RNF121: variants seen among roughly 807,000 people sequenced by gnomAD.
RNF121 encodes the protein E3 ubiquitin ligase RNF121.
In RNF121, 21 loss-of-function variants were observed where a neutral mutation model predicts 46.5. The ratio of observed to expected loss-of-function variants is 0.45; its 90% confidence interval spans 0.32 to 0.65. The LOEUF is 0.65. Among genes scored for constraint, RNF121 ranks in the 30% least tolerant of loss-of-function variants. The pLI, the probability that RNF121 is intolerant of heterozygous loss-of-function variation, is 0.04. For missense variants in RNF121, 346 were observed against 416.0 expected (o/e 0.83, Z 1.46); for synonymous variants, 139 against 144.7 (o/e 0.96, Z 0.28).
At chr11:71,935,153 G>A (rs759338049) in intron 1 of RNF121, among the ~76,000 whole-genome samples, 1 of 152,048 alleles carries the variant, frequency 6.6e-6, no homozygotes, top group Non-Finnish European at 1.5e-5. Context: ...GACTGGTCTC[G>A]AACTCCTGGA....
At chr11:71,952,980 G>A (rs1052453113) in intron 1 of RNF121, among the ~76,000 whole-genome samples, 2 of 152,130 alleles carry the variant, frequency 1.3e-5, no homozygotes, top group Non-Finnish European at 1.5e-5. Context: ...CTGTGCAATA[G>A]AACTCAAAGA....
intron 3 of RNF121, 101 bp from the exon 4 acceptor site, chr11:71,982,660 G>A (rs1053800552): frequency 1.5e-6 from 2 of 1,316,910 alleles, no homozygotes; most frequent in African/African-American, 1.5e-5. Context: ...GTAAATACAG[G>A]AGAGGATCAA....
intron 1 of RNF121, chr11:71,939,271 T>C (rs2134150200): frequency 1.0e-5 from 2 of 191,772 alleles, no homozygotes; most frequent in South Asian, 9.0e-5. Context: ...TCAGTCTTTT[T>C]GGTCCACTAA....
At chr11:71,929,264 G>T in intron 1 of RNF121, 140 bp downstream of exon 1, 1 of 1,392,946 alleles carries the variant, frequency 7.2e-7, no homozygotes. Flanking sequence ...GGTGCGTGGA[G>T]AGCGAAGTCA....
intron 3 of RNF121, among the ~76,000 whole-genome samples, chr11:71,980,702 A>G (rs1197739163): frequency 6.6e-6 from 1 of 152,142 alleles, no homozygotes; most frequent in Non-Finnish European, 1.5e-5. Context: ...AGCTACAGAC[A>G]ACTAAACACT....
chr11:71,964,396 GT>G (rs538489317), intron 3 of RNF121, among the ~76,000 whole-genome samples: 6 of 151,380 alleles, frequency 4.0e-5, no homozygotes, highest in African/African-American at 9.7e-5. Flanking sequence ...AGTTTTTAAA[GT>G]TTTTTTTAGG....
chr11:71,934,938 A>ACTTTTTTTTTT lies in RNF121; in HGVS notation c.63+5814_63+5815insCTTTTTTTTTT, dbSNP rs780793577. Among the ~76,000 whole-genome samples, 7 of 145,100 alleles carry ACTTTTTTTTTT rather than the reference A, an allele frequency of 4.8e-5. 3 individuals are homozygous for ACTTTTTTTTTT. On this transcript the variant is annotated intron_variant, in intron 1 of 8. Coordinates refer to ENST00000361756, the MANE Select transcript of RNF121 (RefSeq NM_018320.5). ...GTCCTGTGCCAAGTGTTCCAAATGC[A>ACTTTTTTTTTT]TTCTTTTTTTTTTTTTTTTTTTTTA...
intron 3 of RNF121, among the ~76,000 whole-genome samples, chr11:71,982,303 T>C: frequency 9.0e-6 from 1 of 111,538 alleles, no homozygotes; most frequent in Admixed American, 1.4e-4. Flanking sequence ...ACCGTTACAC[T>C]CCAACCTGGG....
At chr11:71,953,767 G>T (rs1237758594) in intron 1 of RNF121, among the ~76,000 whole-genome samples, 1 of 152,192 alleles carries the variant, frequency 6.6e-6, no homozygotes, top group Non-Finnish European at 1.5e-5. Context: ...GACAAAATGA[G>T]CAGCCTGCCT....
intron 1 of RNF121, among the ~76,000 whole-genome samples, chr11:71,937,841 C>T (rs1222905769): frequency 1.3e-5 from 2 of 152,206 alleles, no homozygotes; most frequent in African/African-American, 4.8e-5. Flanking sequence ...CCAATATAAT[C>T]TATCTTGTGT....
At chr11:71,968,196 A>G (rs138460444) in intron 3 of RNF121, among the ~76,000 whole-genome samples, 5 of 152,004 alleles carry the variant, frequency 3.3e-5, no homozygotes, top group Non-Finnish European at 7.4e-5. Context: ...AGTAGCTGGG[A>G]TTACAGGCTC....
At chr11:71,990,257 G>A (rs1201319539) in intron 5 of RNF121, among the ~76,000 whole-genome samples, 2 of 152,200 alleles carry the variant, frequency 1.3e-5, no homozygotes, top group Non-Finnish European at 2.9e-5. Flanking sequence ...CAACAGTGGA[G>A]TCCCCACTAT....
chr11:71,960,797 T>C lies in RNF121; in HGVS notation c.149T>C (p.Met50Thr). The C allele has an allele frequency of 6.2e-7, 1 of 1,614,182 alleles. No individual in the cohort carries two copies. Among genetic ancestry groups the C allele is most frequent in the Non-Finnish European group, 8.5e-7 (1 of 1,180,014 alleles). The change falls in exon 3 of 9, where the codon ATG becomes ACG. Residue 50 changes from methionine (M) to threonine (T), a missense_variant. This residue lies in a region of RNF121 where 286 missense variants were observed against 383.8 expected (regional missense o/e 0.75). Transcript: ENST00000361756. ...MHAKHRGHEA[M>T]HAEMVLILIA... ...GCCAAGCACCGTGGCCATGAAGCTA[T>C]GCATGCTGAAATGGTCCTCATCCTC...
intron 2 of RNF121, among the ~76,000 whole-genome samples, chr11:71,960,349 G>C (rs930558396): frequency 6.6e-6 from 1 of 152,180 alleles, no homozygotes; most frequent in Non-Finnish European, 1.5e-5. Context: ...GTGACTAAGC[G>C]TATGAGACTT....
At chr11:71,952,958 G>A (rs1327752432) in intron 1 of RNF121, among the ~76,000 whole-genome samples, 1 of 152,194 alleles carries the variant, frequency 6.6e-6, no homozygotes, top group Non-Finnish European at 1.5e-5. Context: ...GTTATGAACA[G>A]TATTAACCAT....
intron 3 of RNF121, among the ~76,000 whole-genome samples, chr11:71,976,345 C>CTTTTTT (rs35710756): frequency 2.6e-4 from 12 of 46,080 alleles, no homozygotes; most frequent in African/African-American, 3.7e-4. Flanking sequence ...TGGGTATATT[C>CTTTTTT]TTTTTTTTTT....
At chr11:71,988,652 A>AAG (rs1554991903) in intron 5 of RNF121, among the ~76,000 whole-genome samples, 41 of 150,236 alleles carry the variant, frequency 2.7e-4, no homozygotes, top group Non-Finnish European at 4.3e-4. Flanking sequence ...AAAAAAAAAA[A>AAG]AAAGAAAGAA....
In RNF121 at chr11:71,937,458, A is replaced by G. The variant is rs1953446595; in HGVS notation, c.63+8334A>G. ...TTCTGGAGTAGCTGGGATTACAGAC[A>G]CTGCCACCATGCCCAGCTAATTTTT... On this transcript the variant is annotated intron_variant, in intron 1 of 8. Coordinates refer to ENST00000361756, the MANE Select transcript of RNF121 (RefSeq NM_018320.5). 2.0e-5 allele frequency among the ~76,000 whole-genome samples: 3 copies of G among 152,240 alleles called. No individual in the cohort carries two copies. The South Asian group carries it at 6.2e-4, about 32-fold the overall frequency.
At chr11:71,935,073 C>G (rs1478134309) in intron 1 of RNF121, among the ~76,000 whole-genome samples, 1 of 151,790 alleles carries the variant, frequency 6.6e-6, no homozygotes, top group Non-Finnish European at 1.5e-5. Context: ...TGCCAAGTAG[C>G]TGGGACCACA....
Sources: gnomAD v4.1 joint callset for allele counts (sites outside exome capture counted in the v4.1 genomes callset) on GRCh38, gnomAD v4.1.1 for gene constraint, gnomAD v4.1.1 regional missense constraint, MANE v1.5 for transcripts, NCBI Gene and HGNC (gene_info 2026-07-23, HGNC 2026-07-21) for gene names.